Variants in XYLT1 observed in about 807,000 individuals in gnomAD.
XYLT1 encodes xylosyltransferase 1, also known as beta-D-xylosyltransferase 1.
XYLT1 carries 36 observed loss-of-function variants against 91.3 expected under a neutral mutation model. That is an observed-to-expected ratio of 0.39 (90% CI 0.30 to 0.52). The LOEUF (loss-of-function observed/expected upper bound fraction) is 0.52. Ranked by LOEUF, XYLT1 falls within the 20% of genes least tolerant of loss-of-function variation. The pLI is 0.68. For missense variants in XYLT1, 1,242 were observed against 1,284.5 expected (o/e 0.97, Z 0.51); for synonymous variants, 588 against 532.0 (o/e 1.11, Z -1.45).
chr16:17,187,745 A>C lies in XYLT1; in HGVS notation c.1289+10467T>G, dbSNP rs572489306. On this transcript the variant is annotated intron_variant, in intron 5 of 11. Coordinates refer to ENST00000261381, the MANE Select transcript of XYLT1 (RefSeq NM_022166.4). ...ACTGCAACCTCCGCCTCCCAGGTTC[A>C]AGCAATTCTCACTTATTTTATCATT... is the stretch of plus-strand genomic sequence containing the variant. Among the ~76,000 whole-genome samples the C allele has an allele frequency of 3.3e-5, 5 of 151,790 alleles. No individual in the cohort carries two copies. The South Asian group carries it at 1.0e-3, about 32-fold the overall frequency.
intron 10 of XYLT1, among the ~76,000 whole-genome samples, chr16:17,118,286 G>GAATGAATGAACA (rs1162580829): frequency 1.1e-4 from 2 of 18,124 alleles, no homozygotes; most frequent in African/African-American, 3.2e-4. Context: ...ATGAATGAAC[G>GAATGAATGAACA]AATGAATGAA....
At chr16:17,255,648 C>A (rs2033619558) in intron 3 of XYLT1, among the ~76,000 whole-genome samples, 1 of 152,178 alleles carries the variant, frequency 6.6e-6, no homozygotes, top group Non-Finnish European at 1.5e-5. Context: ...ACCACCTCGA[C>A]CACTTAGACA....
chr16:17,264,609 C>T (rs766693590), intron 2 of XYLT1, among the ~76,000 whole-genome samples: 1 of 152,188 alleles, frequency 6.6e-6, no homozygotes, highest in African/African-American at 2.4e-5. Flanking sequence ...CCCTTCCCTT[C>T]ACAAAACCAA....
At chr16:17,244,156 C>G (rs955126228) in intron 3 of XYLT1, among the ~76,000 whole-genome samples, 1 of 152,140 alleles carries the variant, frequency 6.6e-6, no homozygotes, top group Non-Finnish European at 1.5e-5. Context: ...ACAGGATGTT[C>G]TCCCAGGTCC....
intron 2 of XYLT1, among the ~76,000 whole-genome samples, chr16:17,288,443 C>T (rs2034173449): frequency 6.6e-6 from 1 of 152,016 alleles, no homozygotes; most frequent in South Asian, 2.1e-4. Flanking sequence ...GTGTGTGATT[C>T]TTTTGTTCTT....
chr16:17,207,758 C>T (rs80354475), intron 3 of XYLT1, among the ~76,000 whole-genome samples: 3 of 152,154 alleles, frequency 2.0e-5, no homozygotes, highest in South Asian at 4.1e-4. Context: ...GCTGCTCATG[C>T]GGGGCCACCA....
chr16:17,169,437 AG>A lies in XYLT1; in HGVS notation c.1290-10529del, dbSNP rs763920549. Among the ~76,000 whole-genome samples, 52 of 152,336 alleles carry A rather than the reference AG, an allele frequency of 3.4e-4. 1 individual carries two copies. The highest frequency in any genetic ancestry group is 2.1e-3 in the Admixed American group (32 of 15,300). ...TTTCACAAAGCCTCAGTGCTTTCAC[AG>A]GACATTTGTAAGAAACACATTTTTC... On this transcript the variant is annotated intron_variant, in intron 5 of 11. Transcript: ENST00000261381.
chr16:17,439,510 G>A (rs1567203591), intron 1 of XYLT1, among the ~76,000 whole-genome samples: 2 of 152,132 alleles, frequency 1.3e-5, no homozygotes, highest in South Asian at 4.1e-4. Context: ...TTTATGCAAT[G>A]TTTATTTGAA....
chr16:17,332,567 T>TACACACACACACACACAC (rs60919228), intron 2 of XYLT1, among the ~76,000 whole-genome samples: 2 of 137,902 alleles, frequency 1.5e-5, no homozygotes, highest in African/African-American at 5.4e-5. Flanking sequence ...ATCACACACA[T>TACACACACACACACACAC]ACACACACAC....
At chr16:17,467,967 C>T (rs2141966840) in intron 1 of XYLT1, among the ~76,000 whole-genome samples, 1 of 152,294 alleles carries the variant, frequency 6.6e-6, no homozygotes, top group East Asian at 1.9e-4. Context: ...TTAAATGTCC[C>T]ACTCCTGAAT....
At chr16:17,422,969 G>C (rs2036267255) in intron 1 of XYLT1, among the ~76,000 whole-genome samples, 1 of 152,196 alleles carries the variant, frequency 6.6e-6, no homozygotes, top group South Asian at 2.1e-4. Context: ...CTGGTCTTCT[G>C]CTAAGAGGCT....
At chr16:17,446,963 T>G (rs1284262666) in intron 1 of XYLT1, among the ~76,000 whole-genome samples, 1 of 151,798 alleles carries the variant, frequency 6.6e-6, no homozygotes, top group Admixed American at 6.6e-5. Flanking sequence ...AAGAGGACGC[T>G]CTCATCCCTG....
intron 4 of XYLT1, 75 bp downstream of exon 4, chr16:17,200,407 A>G: frequency 1.9e-6 from 3 of 1,547,262 alleles, no homozygotes; most frequent in Admixed American, 3.5e-5. Flanking sequence ...CTAGCAATGC[A>G]GAAGGAGGGT....
At chr16:17,374,663 A>G (rs1347344473) in intron 1 of XYLT1, among the ~76,000 whole-genome samples, 1 of 151,552 alleles carries the variant, frequency 6.6e-6, no homozygotes, top group Admixed American at 6.6e-5. Flanking sequence ...ACAAGAGGTG[A>G]TATCTTGTAA....
chr16:17,107,343 G>C lies in XYLT1; in HGVS notation c.*1352C>G, dbSNP rs886604555. 7 of 152,184 alleles carry C rather than the reference G, an allele frequency of 4.6e-5. No homozygotes were observed. Among genetic ancestry groups the C allele is most frequent in the Admixed American group, 2.0e-4 (3 of 15,284 alleles). 9.4% of individuals were successfully genotyped at this position (152,184 alleles called of 1,614,324 possible). A position where few individuals can be genotyped will look rare whatever the true frequency, so the allele number is the denominator to read the frequency against. On this transcript the variant is annotated 3_prime_UTR_variant, in exon 12 of 12. Coordinates refer to ENST00000261381, the MANE Select transcript of XYLT1 (RefSeq NM_022166.4). ...TCCAAGGGAATCCCATCATTCAGGGGAGGTGGGATTACAGGAGCAAGGGAG... is the reference window on the plus strand; with the variant it reads ...TCCAAGGGAATCCCATCATTCAGGGCAGGTGGGATTACAGGAGCAAGGGAG...
At chr16:17,191,146 C>A (rs1294901838) in intron 5 of XYLT1, among the ~76,000 whole-genome samples, 1 of 152,116 alleles carries the variant, frequency 6.6e-6, no homozygotes, top group African/African-American at 2.4e-5. Context: ...ACTGGCCCAA[C>A]CAAGAAAAGA....
At chr16:17,362,450 G>A (rs1049948993) in intron 1 of XYLT1, among the ~76,000 whole-genome samples, 2 of 152,182 alleles carry the variant, frequency 1.3e-5, no homozygotes, top group Non-Finnish European at 2.9e-5. Flanking sequence ...AGACAGAAAT[G>A]AGTTTAAAGT....
rs575387479 is a variant in XYLT1, at chr16:17,399,067, G to A, written c.364-41017C>T. Among the ~76,000 whole-genome samples, 65 of 151,996 alleles carry A rather than the reference G, an allele frequency of 4.3e-4. No homozygotes were observed. In the South Asian group the frequency reaches 0.011, roughly 26 times the overall value. ...GTCATATTAGCTTAGGGACCCCCCC[G>A]CTTCTAGTATGACTGCATCTTTGCA... On this transcript the variant is annotated intron_variant, in intron 1 of 11. Coordinates refer to ENST00000261381, the MANE Select transcript of XYLT1 (RefSeq NM_022166.4).
At chr16:17,394,610 TAAAGCC>T (rs1318322193) in intron 1 of XYLT1, among the ~76,000 whole-genome samples, 1 of 152,086 alleles carries the variant, frequency 6.6e-6, no homozygotes, top group Non-Finnish European at 1.5e-5. Flanking sequence ...TGGAGATAAA[TAAAGCC>T]ACCACGCTTA....
Sources: allele counts gnomAD v4.1 joint callset (sites outside exome capture counted in the v4.1 genomes callset), GRCh38; gene constraint gnomAD v4.1.1; transcripts MANE v1.5; gene names NCBI Gene and HGNC (gene_info 2026-07-23, HGNC 2026-07-21).